Variants in VASH2 observed in about 807,000 individuals in gnomAD.
VASH2 encodes vasohibin 2.
Under a neutral mutation model 37.2 loss-of-function variants are expected in VASH2, and 28 were observed. That is an observed-to-expected ratio of 0.75 (90% confidence interval 0.56 to 1.03). VASH2 has a LOEUF of 1.03. Among genes scored for constraint, VASH2 ranks in the 50% least tolerant of loss-of-function variants. The probability of loss-of-function intolerance (pLI) is 0.00; values close to 1 mark genes in which losing one functional copy is unlikely to be tolerated. For synonymous variants in VASH2, 188 were observed against 174.7 expected, an observed-to-expected ratio of 1.08 and a Z score of -0.60; for missense variants, 419 against 459.1, an observed-to-expected ratio of 0.91 and a Z score of 0.80.
intron 6 of VASH2, chr1:212,973,353 A>G (rs1250793944): frequency 7.9e-7 from 1 of 1,270,932 alleles, no homozygotes; most frequent in Non-Finnish European, 1.0e-6. Flanking sequence ...GACTATACTC[A>G]TACGTCCCTC....
intron 5 of VASH2, chr1:212,967,224 G>A (rs1666879236): frequency 3.8e-6 from 5 of 1,301,246 alleles, no homozygotes; most frequent in African/African-American, 1.5e-5. Flanking sequence ...AACTGTGATG[G>A]CATCGACATA....
chr1:212,967,148 A>G (rs1461777652), intron 5 of VASH2: 2 of 1,304,356 alleles, frequency 1.5e-6, no homozygotes, highest in Admixed American at 4.6e-5. Context: ...AGCTTCTCCC[A>G]CACTTTCTGT....
rs1181739970 is a variant in VASH2 at position 212,972,937 on chromosome 1, A to G, written c.855A>G (p.Lys285=). ...LRADIRKELE[K]YARDMRMKIL... is the part of the protein sequence containing the mutation. ...CTGACATAAGGAAGGAGCTGGAGAA[A>G]TATGCCAGGGACATGAGAATGAAGG... The change falls in exon 6 of 8, where the codon AAA becomes AAG. Residue 285 remains lysine, a synonymous_variant. Transcript: ENST00000517399. The G allele has an allele frequency of 3.1e-6, 5 of 1,612,976 alleles. No individual in the cohort carries two copies. The highest frequency in any genetic ancestry group is 4.2e-6 in the Non-Finnish European group (5 of 1,180,042).
intron 3 of VASH2, among the ~76,000 whole-genome samples, chr1:212,962,216 C>T (rs1296248754): frequency 2.0e-5 from 3 of 152,210 alleles, no homozygotes; most frequent in Admixed American, 6.5e-5. Context: ...TACATCAGTT[C>T]TGAGAACTCC....
chr1:212,953,044 T>A (rs1408444913), intron 2 of VASH2, among the ~76,000 whole-genome samples: 1 of 152,174 alleles, frequency 6.6e-6, no homozygotes, highest in Non-Finnish European at 1.5e-5. Context: ...GTTCCTGGTT[T>A]GCAGTTCTGA....
chr1:212,961,691 C>T (rs975557639), intron 3 of VASH2, among the ~76,000 whole-genome samples: 4 of 152,336 alleles, frequency 2.6e-5, no homozygotes, highest in African/African-American at 9.6e-5. Context: ...AAACCTCCAC[C>T]TCCTGGGTGC....
chr1:212,958,407 A>G (rs969704613), intron 2 of VASH2, among the ~76,000 whole-genome samples: 7 of 152,200 alleles, frequency 4.6e-5, no homozygotes, highest in African/African-American at 1.7e-4. Context: ...AGGCTGAGGT[A>G]ACCATGCAGC....
chr1:212,959,035 T>C (rs1030961838), intron 2 of VASH2, among the ~76,000 whole-genome samples: 1 of 152,176 alleles, frequency 6.6e-6, no homozygotes, highest in Non-Finnish European at 1.5e-5. Context: ...GACCTGCGTA[T>C]GTCTTAATAA....
At chr1:212,965,695 C>T in intron 3 of VASH2, 27 bp from the exon 4 acceptor site, 1 of 1,542,886 alleles carries the variant, frequency 6.5e-7, no homozygotes, top group South Asian at 1.2e-5. Flanking sequence ...AGTTTTCTGT[C>T]ACTTTCCCTT....
intron 6 of VASH2, chr1:212,973,691 T>C (rs1190617272): frequency 2.4e-6 from 3 of 1,273,532 alleles, no homozygotes; most frequent in Non-Finnish European, 3.0e-6. Context: ...CATTGGGCTG[T>C]GTTCCTCTCT....
intron 7 of VASH2, among the ~76,000 whole-genome samples, chr1:212,979,764 C>CT (rs930684505): frequency 2.9e-4 from 44 of 152,184 alleles, no homozygotes; most frequent in African/African-American, 1.0e-3. Context: ...CCCACGGGTC[C>CT]TTTCTCACAC....
chr1:212,986,260 T>C (rs1029096377), intron 7 of VASH2, among the ~76,000 whole-genome samples: 1 of 152,222 alleles, frequency 6.6e-6, no homozygotes, highest in Non-Finnish European at 1.5e-5. Context: ...GCAAATTGAA[T>C]TTTTGATTGC....
At chr1:212,972,529 G>A (rs1474383498) in intron 5 of VASH2, 51 bp from the exon 6 acceptor site, 1 of 1,586,942 alleles carries the variant, frequency 6.3e-7, no homozygotes, top group Admixed American at 1.9e-5. Flanking sequence ...TTGCATCCAG[G>A]CTTCAAATTT....
At chr1:212,979,127 TC>T (rs372773234) in intron 7 of VASH2, among the ~76,000 whole-genome samples, 88 of 152,280 alleles carry the variant, frequency 5.8e-4, no homozygotes, top group African/African-American at 1.9e-3. Context: ...CTCTCTAGAT[TC>T]CAGCTCCCGC....
At chr1:212,977,060 T>C (rs541448612) in intron 7 of VASH2, among the ~76,000 whole-genome samples, 2 of 150,032 alleles carry the variant, frequency 1.3e-5, no homozygotes, top group African/African-American at 4.9e-5. Flanking sequence ...GGAGGGAAAG[T>C]AGTGGGGGAA....
chr1:212,976,452 G>A (rs1379023019), intron 7 of VASH2, among the ~76,000 whole-genome samples: 2 of 152,092 alleles, frequency 1.3e-5, no homozygotes, highest in African/African-American at 4.8e-5. Context: ...GCATGGTGAT[G>A]CATGCCTGTA....
intron 2 of VASH2, among the ~76,000 whole-genome samples, chr1:212,959,997 C>T (rs773977532): frequency 5.3e-5 from 8 of 152,132 alleles, no homozygotes; most frequent in Non-Finnish European, 7.4e-5. Flanking sequence ...CACCAAGGAC[C>T]CCAGGGAGAC....
chr1:212,966,050 C>A, intron 4 of VASH2: 3 of 600,712 alleles, frequency 5.0e-6, no homozygotes, highest in Non-Finnish European at 8.9e-6. Flanking sequence ...TATTGTAATG[C>A]CCCCGTGCTG....
chr1:212,973,269 G>A (rs966863623), intron 6 of VASH2, among the ~76,000 whole-genome samples: 35 of 152,134 alleles, frequency 2.3e-4, no homozygotes, highest in Non-Finnish European at 7.4e-5. Flanking sequence ...AGTTTGCCTG[G>A]AACTGCGGGT....
Sources: allele counts gnomAD v4.1 joint callset (sites outside exome capture counted in the v4.1 genomes callset), GRCh38; gene constraint gnomAD v4.1.1; transcripts MANE v1.5; gene names NCBI Gene and HGNC (gene_info 2026-07-23, HGNC 2026-07-21).